KCNA2: variants seen among roughly 807,000 people sequenced by gnomAD.
KCNA2 encodes the protein potassium voltage-gated channel subfamily A member 2.
A neutral mutation model predicts 33.4 loss-of-function variants in KCNA2; 11 were observed. The observed-to-expected ratio is 0.33, with a 90% confidence interval of 0.21 to 0.55. The LOEUF is 0.55. Among genes scored for constraint, KCNA2 ranks in the 20% least tolerant of loss-of-function variants. The pLI, the probability that KCNA2 is intolerant of heterozygous loss-of-function variation, is 0.93. For synonymous variants in KCNA2, 222 were observed against 231.3 expected, an observed-to-expected ratio of 0.96 and a Z score of 0.37; for missense variants, 291 against 621.6, an observed-to-expected ratio of 0.47 and a Z score of 5.66.
rs1244141892 is a variant in KCNA2 at position 110,603,485 on chromosome 1, G to T, written c.1298C>A (p.Thr433Lys). ...GEEQAQYLQV[T>K]SCPKIPSSPD... The stretch of plus-strand genomic sequence containing the variant: ...GGAGGATGGGATCTTTGGACAGCTT[G>T]TCACTTGCAAGTATTGGGCCTGTTC... Residue 433 changes from threonine (T) to lysine (K), a missense_variant, in exon 3 of 3, where the codon ACA becomes AAA. Physicochemically the swap from Thr to Lys is moderately conservative, Grantham distance 78. This residue lies in a region of KCNA2 where 65 missense variants were observed against 95.1 expected (regional missense o/e 0.68). Coordinates refer to ENST00000316361, the MANE Select transcript of KCNA2 (RefSeq NM_004974.4). The surrounding 1 kb of genome is among the most constrained non-coding windows in gnomAD (Gnocchi z 5.7). The T allele has an allele frequency of 1.2e-6, 2 of 1,613,914 alleles. No individual in the cohort carries two copies. Among genetic ancestry groups the T allele is most frequent in the African/African-American group, 2.7e-5 (2 of 74,884 alleles).
At position 110,601,095 on chromosome 1, in the gene KCNA2, T is replaced by G; in HGVS notation, c.*2188A>C. On this transcript the variant is annotated 3_prime_UTR_variant, in exon 3 of 3. Transcript: ENST00000316361. Reference sequence around the variant, plus strand: ...TGTCTACCTTTAGGCTGTGCAGTGCTCATTTGCACTCTACTTCTTCTGGGG... The same window carrying G: ...TGTCTACCTTTAGGCTGTGCAGTGCGCATTTGCACTCTACTTCTTCTGGGG... 3 of 985,432 alleles carry G rather than the reference T, an allele frequency of 3.0e-6. No individual in the cohort carries two copies. Among genetic ancestry groups the G allele is most frequent in the Non-Finnish European group, 3.6e-6 (3 of 829,916 alleles). 61.0% of individuals were successfully genotyped at this position (985,432 alleles called of 1,614,324 possible).
At chr1:110,616,236 G>A (rs938792793) in intron 1 of KCNA2, among the ~76,000 whole-genome samples, 6 of 152,198 alleles carry the variant, frequency 3.9e-5, no homozygotes, top group African/African-American at 7.2e-5. Flanking sequence ...GGCATCTGTA[G>A]CCCCTGGCCC....
In KCNA2 at chr1:110,594,779, G is replaced by A; in HGVS notation, c.*8504C>T. On this transcript the variant is annotated 3_prime_UTR_variant, in exon 3 of 3. Coordinates refer to ENST00000316361, the MANE Select transcript of KCNA2 (RefSeq NM_004974.4). ...ACTCACCCCCGCCAAAGCCAGCCAG[G>A]CCTCTCTTCTTGCTTTTCTATCCCA... is the stretch of plus-strand genomic sequence containing the variant. 2.0e-6 allele frequency: 2 copies of A among 985,534 alleles called. No homozygotes were observed. The highest frequency in any genetic ancestry group is 2.4e-6 in the Non-Finnish European group (2 of 830,024). 61.0% of individuals were successfully genotyped at this position (985,534 alleles called of 1,614,324 possible). A position where few individuals can be genotyped will look rare whatever the true frequency, so the allele number is the denominator to read the frequency against.
chr1:110,624,874 G>C (rs563518602), intron 1 of KCNA2, among the ~76,000 whole-genome samples: 1 of 152,282 alleles, frequency 6.6e-6, no homozygotes, highest in South Asian at 2.1e-4. Flanking sequence ...GTTGATATCG[G>C]TGAAAAGTCT....
chr1:110,626,638 A>G (rs12064478), intron 1 of KCNA2, among the ~76,000 whole-genome samples: 9,371 of 152,282 alleles, frequency 0.062, 951 homozygotes, highest in African/African-American at 0.21. Flanking sequence ...AATGCATGTT[A>G]GAAAACGTAT....
In KCNA2 at chr1:110,600,421, G is replaced by GT; in HGVS notation, c.*2861dup. ...GGTTGTATATTTGTATGTGGTGTAT[G>GT]TTTGTCTTTTGTGTATGTTCTGTGT... On this transcript the variant is annotated 3_prime_UTR_variant, in exon 3 of 3. Transcript: ENST00000316361. The GT allele has an allele frequency of 2.0e-6, 2 of 984,868 alleles. No individual in the cohort carries two copies. The highest frequency in any genetic ancestry group is 5.2e-4 in the Middle Eastern group (1 of 1,914). The allele number at this position is 984,868 out of a possible 1,614,324, so 61.0% of individuals were successfully genotyped here.
Position 110,602,770 on chromosome 1 carries a change from A to C in KCNA2, c.*513T>G, listed in dbSNP as rs565271674. 4 of 992,232 alleles carry C rather than the reference A, an allele frequency of 4.0e-6. No individual in the cohort carries two copies. The South Asian group carries it at 1.8e-4, about 46-fold the overall frequency. 61.5% of individuals were successfully genotyped at this position (992,232 alleles called of 1,614,324 possible). A position where few individuals can be genotyped will look rare whatever the true frequency, so the allele number is the denominator to read the frequency against. ...TGCAATTCACAAACTCCAGCCTGTGACACAGAAAGTAATTCCAACACACAG... is the reference window on the plus strand; with the variant it reads ...TGCAATTCACAAACTCCAGCCTGTGCCACAGAAAGTAATTCCAACACACAG... On this transcript the variant is annotated 3_prime_UTR_variant, in exon 3 of 3. Transcript: ENST00000316361.
At chr1:110,630,214 T>C (rs1650516833) in intron 1 of KCNA2, among the ~76,000 whole-genome samples, 1 of 151,892 alleles carries the variant, frequency 6.6e-6, no homozygotes, top group Non-Finnish European at 1.5e-5. Flanking sequence ...AGAGACAGGG[T>C]TTCTCCATGT....
intron 1 of KCNA2, among the ~76,000 whole-genome samples, chr1:110,622,481 C>T (rs964045367): frequency 1.3e-5 from 2 of 151,942 alleles, no homozygotes; most frequent in Non-Finnish European, 2.9e-5. Flanking sequence ...TCTATTGGAG[C>T]TTGTACCCAG....
chr1:110,603,921 T>C lies in KCNA2; in HGVS notation c.862A>G (p.Met288Val), dbSNP rs1486839913. 4 of 1,614,110 alleles carry C rather than the reference T, an allele frequency of 2.5e-6. No homozygotes were observed. Among genetic ancestry groups the C allele is most frequent in the Non-Finnish European group, 8.5e-7 (1 of 1,180,048 alleles). The change falls in exon 3 of 3, where the codon ATG (methionine) becomes GTG (valine). Residue 288 changes from methionine (M) to valine (V), a missense_variant. This residue lies in a region of KCNA2 where 43 missense variants were observed against 159.4 expected (regional missense o/e 0.27). Transcript: ENST00000316361. The surrounding 1 kb of genome is among the most constrained non-coding windows in gnomAD (Gnocchi z 5.7). ...PEDAQQGQQAMSLAILRVIRL... is the reference protein window; with the variant it reads ...PEDAQQGQQAVSLAILRVIRL... Reference sequence around the variant, plus strand: ...ATGACACGGAGGATGGCCAGTGACATGGCCTGCTGGCCTTGCTGAGCGTCC... The same window carrying C: ...ATGACACGGAGGATGGCCAGTGACACGGCCTGCTGGCCTTGCTGAGCGTCC...
intron 1 of KCNA2, among the ~76,000 whole-genome samples, chr1:110,614,476 C>A (rs866842726): frequency 6.6e-6 from 1 of 152,208 alleles, no homozygotes; most frequent in Non-Finnish European, 1.5e-5. Context: ...TCTTCTCTCC[C>A]TTTTATGGCC....
intron 1 of KCNA2, among the ~76,000 whole-genome samples, chr1:110,628,756 C>T (rs2640491): frequency 0.59 from 88,953 of 152,056 alleles, 29,294 homozygotes; most frequent in Non-Finnish European, 0.75. Context: ...TCTAGACTTC[C>T]CACACATTAT....
upstream of KCNA2, among the ~76,000 whole-genome samples, chr1:110,610,805 A>C (rs923544607): frequency 7.9e-5 from 12 of 152,126 alleles, no homozygotes; most frequent in African/African-American, 2.9e-4. Flanking sequence ...TTAACTGTTC[A>C]TACCTTAACT....
Position 110,603,676 on chromosome 1 carries a change from G to A in KCNA2, c.1107C>T (p.Val369=), listed in dbSNP as rs141466713. The stretch of plus-strand genomic sequence containing the variant: ...CATAGCCTACAGTTGTCATGGAGAC[G>A]ACTGCCCACCAGAAGGCATCTGGGA... The part of the protein sequence containing the change: ...PSIPDAFWWA[V]VSMTTVGYGD... Residue 369 remains valine (V), a synonymous_variant, in exon 3 of 3, where the codon GTC becomes GTT. Transcript: ENST00000316361. The surrounding 1 kb of genome is among the most constrained non-coding windows in gnomAD (Gnocchi z 5.7). 1.4e-5 allele frequency: 23 copies of A among 1,613,942 alleles called. No homozygotes were observed. The highest frequency in any genetic ancestry group is 6.7e-5 in the East Asian group (3 of 44,900).
In KCNA2 at chr1:110,598,043, G is replaced by C; in HGVS notation, c.*5240C>G. On this transcript the variant is annotated 3_prime_UTR_variant, in exon 3 of 3. Coordinates refer to ENST00000316361, the MANE Select transcript of KCNA2 (RefSeq NM_004974.4). The stretch of plus-strand genomic sequence containing the variant: ...AGATGATGGTCACAATAGCTACTGA[G>C]AGAGCTCCCAGCATCCCCCTCTCTG... The C allele has an allele frequency of 1.0e-6, 1 of 985,452 alleles. No individual in the cohort carries two copies. The allele number at this position is 985,452 out of a possible 1,614,324, so 61.0% of individuals were successfully genotyped here. A position where few individuals can be genotyped will look rare whatever the true frequency, so the allele number is the denominator to read the frequency against.
At chr1:110,621,759 A>T (rs1256118893) in intron 1 of KCNA2, among the ~76,000 whole-genome samples, 1 of 152,240 alleles carries the variant, frequency 6.6e-6, no homozygotes, top group East Asian at 1.9e-4. Context: ...AAATTCCGTG[A>T]GAGACATAAA....
In KCNA2 at chr1:110,601,246, A is replaced by G; in HGVS notation, c.*2037T>C. On this transcript the variant is annotated 3_prime_UTR_variant, in exon 3 of 3. Transcript: ENST00000316361. ...TGCCTTTGGATCATCTAGGGACTCCATCACTTAGTCCCGGACTTCAGACAT... is the reference window on the plus strand; with the variant it reads ...TGCCTTTGGATCATCTAGGGACTCCGTCACTTAGTCCCGGACTTCAGACAT... The G allele has an allele frequency of 1.0e-6, 1 of 985,378 alleles. No individual in the cohort carries two copies. The highest frequency in any genetic ancestry group is 1.2e-6 in the Non-Finnish European group (1 of 829,918). The allele number at this position is 985,378 out of a possible 1,614,324, so 61.0% of individuals were successfully genotyped here. A position where few individuals can be genotyped will look rare whatever the true frequency, so the allele number is the denominator to read the frequency against.
intron 1 of KCNA2, among the ~76,000 whole-genome samples, chr1:110,627,828 C>CAA (rs368198999): frequency 1.4e-4 from 18 of 125,160 alleles, no homozygotes; most frequent in South Asian, 2.5e-4. Context: ...GACCCTGTCT[C>CAA]AAAAAAAAAA....
At chr1:110,616,932 T>C (rs1003377120) in intron 1 of KCNA2, among the ~76,000 whole-genome samples, 1 of 152,184 alleles carries the variant, frequency 6.6e-6, no homozygotes, top group Non-Finnish European at 1.5e-5. Context: ...TGGCTTAAAT[T>C]GAAGAATAAA....
Sources: allele counts gnomAD v4.1 joint callset (sites outside exome capture counted in the v4.1 genomes callset), GRCh38; gene constraint gnomAD v4.1.1; regional missense constraint gnomAD v4.1.1; non-coding constraint Gnocchi (gnomAD v3.1); transcripts MANE v1.5; gene names NCBI Gene and HGNC (gene_info 2026-07-23, HGNC 2026-07-21).